The following DYTN variants were observed in gnomAD, a reference collection of about 807,000 sequenced individuals.
The protein encoded by DYTN is dystrotelin.
A neutral mutation model predicts 69.6 loss-of-function variants in DYTN; 75 were observed. The observed-to-expected ratio is 1.08, with a 90% confidence interval of 0.89 to 1.31. DYTN has a LOEUF of 1.31. DYTN is among the 50% of genes most tolerant of loss of function. The pLI is 0.00. For synonymous variants in DYTN, 252 were observed against 249.1 expected, an observed-to-expected ratio of 1.01 and a Z score of -0.11; for missense variants, 726 against 688.4, an observed-to-expected ratio of 1.05 and a Z score of -0.61.
At chr2:206,679,514 C>G (rs1285162247) in intron 9 of DYTN, among the ~76,000 whole-genome samples, 1 of 152,180 alleles carries the variant, frequency 6.6e-6, no homozygotes, top group African/African-American at 2.4e-5. Flanking sequence ...TTTATCACGT[C>G]AAATCTGAAA....
intron 7 of DYTN, among the ~76,000 whole-genome samples, chr2:206,697,474 G>A (rs1202037922): frequency 6.6e-6 from 1 of 152,044 alleles, no homozygotes; most frequent in African/African-American, 2.4e-5. Flanking sequence ...CCTCTAACAT[G>A]GCTTTCTTCA....
rs772101384 is a variant in DYTN, at chr2:206,707,493, A to G, written c.105T>C (p.Ile35=). 1.2e-6 allele frequency: 2 copies of G among 1,609,038 alleles called. No homozygotes were observed. Among genetic ancestry groups the G allele is most frequent in the South Asian group, 1.1e-5 (1 of 89,584 alleles). Residue 35 remains isoleucine, a synonymous_variant, in exon 3 of 12, where the codon ATT becomes ATC. Coordinates refer to ENST00000452335, the MANE Select transcript of DYTN (RefSeq NM_001093730.1). ...SVQTLCQLDL[I]DSSLIQQVLL... ...GGACCTGCTGAATCAGGGAGCTGTC[A>G]ATCAAGTCCACTGTAGGAAGCAAAT...
intron 3 of DYTN, 86 bp from the exon 4 acceptor site, chr2:206,705,959 TG>T: frequency 7.0e-7 from 1 of 1,432,774 alleles, no homozygotes; most frequent in Non-Finnish European, 9.6e-7. Context: ...TAACTATTAA[TG>T]GGCATTTCTG....
In DYTN at chr2:206,693,295, A is replaced by G. The variant is rs201166130; in HGVS notation, c.860T>C (p.Leu287Pro). The G allele has an allele frequency of 9.9e-5, 160 of 1,612,970 alleles. No individual in the cohort carries two copies. Among genetic ancestry groups the G allele is most frequent in the Admixed American group, 9.2e-4 (55 of 60,000 alleles). The change falls in exon 9 of 12, where the codon CTC becomes CCC. Residue 287 changes from leucine to proline, a missense_variant. Transcript: ENST00000452335. ...QMSAMQNTKLLFRTLRNNLLQ... is the reference protein window; with the variant it reads ...QMSAMQNTKLPFRTLRNNLLQ... Reference sequence around the variant, plus strand: ...AAGGTTGTTTCTGAGGGTCCTGAAGAGAAGTTTTGTATTCTGCATTGCTGA... The same window carrying G: ...AAGGTTGTTTCTGAGGGTCCTGAAGGGAAGTTTTGTATTCTGCATTGCTGA...
At chr2:206,691,412 T>TA (rs202176250) in intron 9 of DYTN, among the ~76,000 whole-genome samples, 2 of 150,620 alleles carry the variant, frequency 1.3e-5, no homozygotes, top group African/African-American at 2.5e-5. Context: ...GACTCCATCT[T>TA]AAAAAAAAAA....
At chr2:206,682,145 G>A (rs1314181355) in intron 9 of DYTN, among the ~76,000 whole-genome samples, 1 of 152,036 alleles carries the variant, frequency 6.6e-6, no homozygotes, top group Non-Finnish European at 1.5e-5. Context: ...TTTTTTTCTA[G>A]ATTTTCTAGT....
intron 11 of DYTN, among the ~76,000 whole-genome samples, chr2:206,654,991 C>G (rs910572186): frequency 6.6e-6 from 1 of 152,134 alleles, no homozygotes; most frequent in Non-Finnish European, 1.5e-5. Flanking sequence ...ATTACTCTGG[C>G]TAGGACTTCC....
chr2:206,699,170 C>A (rs1172565696), intron 7 of DYTN, among the ~76,000 whole-genome samples: 1 of 152,148 alleles, frequency 6.6e-6, no homozygotes, highest in African/African-American at 2.4e-5. Context: ...TGCAGTGGCT[C>A]ACACATGTAA....
intron 9 of DYTN, among the ~76,000 whole-genome samples, chr2:206,686,002 G>C (rs1219484880): frequency 7.1e-6 from 1 of 141,510 alleles, no homozygotes; most frequent in East Asian, 2.2e-4. Flanking sequence ...AAAAAAAAAA[G>C]CTACACATTT....
At chr2:206,679,236 C>G (rs1212574090) in intron 9 of DYTN, 1 of 152,084 alleles carries the variant, frequency 6.6e-6, no homozygotes, top group African/African-American at 2.4e-5. Flanking sequence ...TGAGGAAAGC[C>G]TTTTTAGAAA....
At chr2:206,654,371 TATG>T (rs1437931043) in intron 11 of DYTN, among the ~76,000 whole-genome samples, 3 of 152,216 alleles carry the variant, frequency 2.0e-5, no homozygotes, top group Non-Finnish European at 2.9e-5. Context: ...TGAAGATCTT[TATG>T]ATGATCTACT....
At chr2:206,685,707 C>A (rs11890956) in intron 9 of DYTN, among the ~76,000 whole-genome samples, 42,953 of 151,804 alleles carry the variant, frequency 0.28, 8,328 homozygotes, top group African/African-American at 0.55. Context: ...AGCCTTCACC[C>A]ACCCACCCTG....
intron 9 of DYTN, among the ~76,000 whole-genome samples, chr2:206,682,828 G>A (rs571689087): frequency 1.8e-4 from 27 of 152,122 alleles, no homozygotes; most frequent in African/African-American, 4.1e-4. Flanking sequence ...TCCCCATCTC[G>A]GTTGATGGCA....
rs1699949681 is a variant in DYTN, at chr2:206,699,076, A to G, written c.719+651T>C. Among the ~76,000 whole-genome samples the G allele has an allele frequency of 2.6e-5, 4 of 152,356 alleles. No homozygotes were observed. The South Asian group carries it at 8.3e-4, about 32-fold the overall frequency. On this transcript the variant is annotated intron_variant, in intron 7 of 11. Coordinates refer to ENST00000452335, the MANE Select transcript of DYTN (RefSeq NM_001093730.1). Reference sequence around the variant, plus strand: ...CAGCTTGGCATTTGTCTAACACTTAACAAAAGTAGTGTTGTTAGGATGATG... The same window carrying G: ...CAGCTTGGCATTTGTCTAACACTTAGCAAAAGTAGTGTTGTTAGGATGATG...
intron 7 of DYTN, among the ~76,000 whole-genome samples, chr2:206,698,329 G>A (rs113746694): frequency 2.6e-5 from 4 of 152,054 alleles, no homozygotes; most frequent in Admixed American, 6.6e-5. Context: ...AATTAAAACC[G>A]GATCTCCAGT....
chr2:206,671,193 T>C (rs1699626595), intron 9 of DYTN, among the ~76,000 whole-genome samples: 1 of 152,094 alleles, frequency 6.6e-6, no homozygotes, highest in Admixed American at 6.6e-5. Context: ...GAATGAAAGA[T>C]TGGATTTCAT....
chr2:206,694,034 C>T lies in DYTN; in HGVS notation c.832-711G>A, dbSNP rs145166737. Among the ~76,000 whole-genome samples the T allele has an allele frequency of 9.5e-4, 144 of 152,274 alleles. 3 individuals carry two copies. The East Asian group carries it at 0.026, about 27-fold the overall frequency. ...AAGGAGAGAAGGAGGGAAAACTATC[C>T]TTGGCAAAGTTAATTAGTCAACATC... On this transcript the variant is annotated intron_variant, in intron 8 of 11. Coordinates refer to ENST00000452335, the MANE Select transcript of DYTN (RefSeq NM_001093730.1).
In DYTN at chr2:206,710,518, A is replaced by G. The variant is rs1700070468; in HGVS notation, c.94+6T>C. 6.2e-7 allele frequency: 1 copy of G among 1,608,694 alleles called. No homozygotes were observed. The highest frequency in any genetic ancestry group is 1.3e-5 in the African/African-American group (1 of 74,842). ...TTTCAAATATTTCAGGAGAGCCTAT[A>G]CTTACACTGGCACAGAGTTTGCACT... is the stretch of plus-strand genomic sequence containing the variant. On this transcript the variant is annotated splice_donor_region_variant and intron_variant, in intron 2 of 11. Coordinates refer to ENST00000452335, the MANE Select transcript of DYTN (RefSeq NM_001093730.1).
chr2:206,684,053 C>T (rs530076783), intron 9 of DYTN, among the ~76,000 whole-genome samples: 1 of 151,924 alleles, frequency 6.6e-6, no homozygotes, highest in Non-Finnish European at 1.5e-5. Context: ...GATGCAAGCT[C>T]ACCGAGAGCA....
Sources: gnomAD v4.1 joint callset for allele counts (sites outside exome capture counted in the v4.1 genomes callset) on GRCh38, gnomAD v4.1.1 for gene constraint, MANE v1.5 for transcripts, NCBI Gene and HGNC (gene_info 2026-07-23, HGNC 2026-07-21) for gene names.